The following STARD13 variants were observed in gnomAD, a reference collection of about 807,000 sequenced individuals.
The protein encoded by STARD13 is StAR related lipid transfer domain containing 13.
STARD13 carries 62 observed loss-of-function variants against 106.4 expected under a neutral mutation model. The ratio of observed to expected loss-of-function variants is 0.58; its 90% confidence interval spans 0.48 to 0.72. The LOEUF is 0.72. Ranked by LOEUF, STARD13 falls within the 30% of genes least tolerant of loss-of-function variation. The pLI, the probability that STARD13 is intolerant of heterozygous loss-of-function variation, is 0.00. For synonymous variants in STARD13, 565 were observed against 553.0 expected (o/e 1.02, Z -0.31); for missense variants, 1,387 against 1,424.0 (o/e 0.97, Z 0.42).
At chr13:33,404,020 T>C in the STARD13 span, among the ~76,000 whole-genome samples, 1 of 152,250 alleles carries the variant, frequency 6.6e-6, no homozygotes, top group South Asian at 2.1e-4. Context: ...TCTTGAGTCA[T>C]ACGCAACCTT....
chr13:33,143,856 C>T (rs1880175486), intron 3 of STARD13, among the ~76,000 whole-genome samples: 1 of 152,146 alleles, frequency 6.6e-6, no homozygotes, highest in Non-Finnish European at 1.5e-5. Context: ...CAGCTTGTTT[C>T]CAGTTTTGAC....
chr13:33,595,204 G>C, the STARD13 span, among the ~76,000 whole-genome samples: 1 of 152,154 alleles, frequency 6.6e-6, no homozygotes, highest in East Asian at 1.9e-4. Flanking sequence ...ATGCTTATTG[G>C]GGTTAAGAGA....
At position 33,130,122 on chromosome 13, in the gene STARD13, G is replaced by A. The variant is rs772397645; in HGVS notation, c.555C>T (p.Ser185=). ...CAGGCTCGCTCAGGTCTGTGAGGAC[G>A]CTCTCACTGCTGGTCGTGTTCCTCA... The part of the protein sequence containing the change: ...TGMRNTTSSE[S]VLTDLSEPEV... The change falls in exon 5 of 14, where the codon AGC becomes AGT. Residue 185 remains serine, a synonymous_variant. Coordinates refer to ENST00000336934, the MANE Select transcript of STARD13 (RefSeq NM_178006.4). This position sits in a 1 kb window ranked among gnomAD's most constrained non-coding sequence, Gnocchi z 4.1. 12 of 1,613,998 alleles carry A rather than the reference G, an allele frequency of 7.4e-6. No individual in the cohort carries two copies. The highest frequency in any genetic ancestry group is 9.3e-6 in the Non-Finnish European group (11 of 1,179,996).
the STARD13 span, among the ~76,000 whole-genome samples, chr13:33,658,558 T>A: frequency 2.7e-3 from 411 of 152,342 alleles, 2 homozygotes; most frequent in African/African-American, 9.0e-3. Flanking sequence ...TGACTCTTAG[T>A]CTGGAGTATC....
At chr13:33,555,527 T>TTTA in the STARD13 span, among the ~76,000 whole-genome samples, 1 of 152,238 alleles carries the variant, frequency 6.6e-6, no homozygotes, top group East Asian at 1.9e-4. Context: ...GGTACATTCT[T>TTTA]GTAAGTTCTA....
At chr13:33,622,583 CCAGTCTCGGCGA>C in the STARD13 span, among the ~76,000 whole-genome samples, 1 of 130,364 alleles carries the variant, frequency 7.7e-6, no homozygotes, top group African/African-American at 3.0e-5. Context: ...AGCTTGCACT[CCAGTCTCGGCGA>C]CAGAGCGAGA....
chr13:33,585,642 T>TA, the STARD13 span, among the ~76,000 whole-genome samples: 1 of 152,124 alleles, frequency 6.6e-6, no homozygotes, highest in African/African-American at 2.4e-5. Flanking sequence ...TACTGTGTGT[T>TA]GAGATTGCAC....
At chr13:33,281,147 G>A (rs528516340) in intron 1 of STARD13, 1 of 152,084 alleles carries the variant, frequency 6.6e-6, no homozygotes, top group Non-Finnish European at 1.5e-5. Context: ...AGCAATCATA[G>A]TCCATCCACT....
the STARD13 span, among the ~76,000 whole-genome samples, chr13:33,420,614 T>A: frequency 6.6e-6 from 1 of 152,300 alleles, no homozygotes; most frequent in East Asian, 1.9e-4. Context: ...CTAATAGACA[T>A]CTACAGAACT....
chr13:33,606,500 T>G, the STARD13 span, among the ~76,000 whole-genome samples: 5 of 152,356 alleles, frequency 3.3e-5, no homozygotes, highest in Admixed American at 1.3e-4. Flanking sequence ...GCATTTACTC[T>G]GCTATTAATC....
chr13:33,499,519 T>TTTCTTTCTTTCTTCTTCTTCTTC, the STARD13 span, among the ~76,000 whole-genome samples: 1 of 91,888 alleles, frequency 1.1e-5, no homozygotes, highest in African/African-American at 4.0e-5. Context: ...TTCTTCTTTC[T>TTTCTTTCTTTCTTCTTCTTCTTC]TTCTTCTTCT....
the STARD13 span, chr13:33,676,757 G>A: frequency 6.6e-6 from 1 of 152,154 alleles, no homozygotes; most frequent in Admixed American, 6.6e-5. Flanking sequence ...TTGCATGAAA[G>A]TCTCATCTGT....
chr13:33,350,682 C>T (rs1177612866), upstream of STARD13: 43 of 1,159,848 alleles, frequency 3.7e-5, no homozygotes, highest in Non-Finnish European at 4.4e-5. Flanking sequence ...CCTTCTCCTC[C>T]CCTCCTCCCC....
At chr13:33,285,798 C>T (rs562230929), upstream of STARD13, 35 of 1,423,386 alleles carry the variant, frequency 2.5e-5, no homozygotes, top group South Asian at 5.0e-4. Context: ...AGAATTCCAA[C>T]CCCCGGGGCC....
chr13:33,272,720 T>C (rs1594198365), intron 1 of STARD13: 1 of 152,228 alleles, frequency 6.6e-6, no homozygotes, highest in East Asian at 1.9e-4. Flanking sequence ...CTCAACGTCA[T>C]TCCTGGCATT....
At chr13:33,641,005 C>T in the STARD13 span, among the ~76,000 whole-genome samples, 2 of 152,188 alleles carry the variant, frequency 1.3e-5, no homozygotes, top group Non-Finnish European at 2.9e-5. Context: ...AATTGTTCAT[C>T]TTTAGGCTTA....
the STARD13 span, among the ~76,000 whole-genome samples, chr13:33,529,624 A>C: frequency 2.1e-4 from 32 of 152,316 alleles, no homozygotes; most frequent in African/African-American, 6.0e-4. Context: ...AGACAGATCT[A>C]TCAAAAGGAT....
chr13:33,573,717 A>G, the STARD13 span, among the ~76,000 whole-genome samples: 1 of 152,186 alleles, frequency 6.6e-6, no homozygotes, highest in Non-Finnish European at 1.5e-5. Context: ...TCTCATAATA[A>G]TGTTAAATTT....
the STARD13 span, among the ~76,000 whole-genome samples, chr13:33,386,484 G>A: frequency 6.6e-6 from 1 of 152,018 alleles, no homozygotes; most frequent in Non-Finnish European, 1.5e-5. Context: ...ACATTGCTGG[G>A]GTTCTTTCTC....
Sources: gnomAD v4.1 joint callset for allele counts (sites outside exome capture counted in the v4.1 genomes callset) on GRCh38, gnomAD v4.1.1 for gene constraint, Gnocchi (gnomAD v3.1) non-coding constraint, MANE v1.5 for transcripts, NCBI Gene and HGNC (gene_info 2026-07-23, HGNC 2026-07-21) for gene names.